WDR45B: variants seen among roughly 807,000 people sequenced by gnomAD.
WDR45B encodes WD repeat domain 45B, also known as WD repeat domain phosphoinositide-interacting protein 3.
WDR45B carries 20 observed loss-of-function variants against 44.6 expected under a neutral mutation model. The observed-to-expected ratio is 0.45, with a 90% CI of 0.32 to 0.65. The LOEUF is 0.65. Among genes scored for constraint, WDR45B ranks in the 30% least tolerant of loss-of-function variants. The pLI is 0.05. For missense variants in WDR45B, 323 were observed against 430.2 expected (o/e 0.75, Z 2.20); for synonymous variants, 169 against 164.9 (o/e 1.02, Z -0.19).
At chr17:82,631,058 G>A in intron 2 of WDR45B, 36 bp from the exon 3 acceptor site, 2 of 1,562,328 alleles carry the variant, frequency 1.3e-6, no homozygotes, top group Non-Finnish European at 1.8e-6. Flanking sequence ...AATGTTACAA[G>A]TTAATATGTA....
intron 3 of WDR45B, 130 bp from the exon 4 acceptor site, chr17:82,627,421 A>G: frequency 1.3e-6 from 1 of 781,928 alleles, no homozygotes; most frequent in South Asian, 1.4e-5. Context: ...CTCAGGCCTC[A>G]GACACACACC....
At chr17:82,638,228 AGAGG>A (rs2045863188) in intron 2 of WDR45B, among the ~76,000 whole-genome samples, 1 of 5,476 alleles carries the variant, frequency 1.8e-4, no homozygotes, top group African/African-American at 1.3e-3. Flanking sequence ...AGGGGAGGGG[AGAGG>A]AGGGGAGGGG....
chr17:82,622,426 C>T (rs1463001201), intron 5 of WDR45B, among the ~76,000 whole-genome samples: 1 of 152,052 alleles, frequency 6.6e-6, no homozygotes, highest in Non-Finnish European at 1.5e-5. Context: ...GGCACTGGAA[C>T]AGCCCAAATT....
Position 82,631,005 on chromosome 17 carries a change from C to T in WDR45B, c.160G>A (p.Val54Ile), listed in dbSNP as rs369820351. 2 of 1,613,948 alleles carry T rather than the reference C, an allele frequency of 1.2e-6. No homozygotes were observed. The highest frequency in any genetic ancestry group is 1.3e-5 in the African/African-American group (1 of 75,026). ...CGAAATAACATTTCAACATGGCCAA[C>T]TCCTCCTTCTAGAAATTCTGAAATG... ...KEKQEFLEGGVGHVEMLFRCN... is the reference protein window; with the variant it reads ...KEKQEFLEGGIGHVEMLFRCN... The change falls in exon 3 of 10, where the codon GTT (valine) becomes ATT (isoleucine). Residue 54 changes from valine (V) to isoleucine (I), a missense_variant. Val to Ile is a conservative substitution (Grantham distance 29). Coordinates refer to ENST00000392325, the MANE Select transcript of WDR45B (RefSeq NM_019613.4).
Position 82,648,414 on chromosome 17 carries a change from G to C in WDR45B, c.-74C>G, listed in dbSNP as rs569005222. The C allele has an allele frequency of 3.6e-4, 554 of 1,552,270 alleles. 1 individual carries two copies. In the African/African-American group the frequency reaches 7.0e-3, roughly 20 times the overall value. On this transcript the variant is annotated 5_prime_UTR_variant, in exon 1 of 10. Coordinates refer to ENST00000392325, the MANE Select transcript of WDR45B (RefSeq NM_019613.4). Reference sequence around the variant, plus strand: ...TGGGGACGGCGGCCTGGTCCCTTCGGGCCGGCGCTGAGGCCGCCGCGGCCG... The same window carrying C: ...TGGGGACGGCGGCCTGGTCCCTTCGCGCCGGCGCTGAGGCCGCCGCGGCCG...
At chr17:82,644,065 G>C (rs1286958152) in intron 1 of WDR45B, 42 bp from the exon 2 acceptor site, 2 of 1,601,616 alleles carry the variant, frequency 1.2e-6, no homozygotes, top group Admixed American at 1.7e-5. Context: ...CCCAGGCCTG[G>C]AGTGGTTAAA....
intron 2 of WDR45B, among the ~76,000 whole-genome samples, chr17:82,632,790 G>A (rs2045784557): frequency 6.6e-6 from 1 of 152,198 alleles, no homozygotes; most frequent in Non-Finnish European, 1.5e-5. Flanking sequence ...CACTTTGGCA[G>A]GCAGAGGTGG....
intron 5 of WDR45B, among the ~76,000 whole-genome samples, chr17:82,622,967 T>C (rs12949889): frequency 0.2 from 29,724 of 152,152 alleles, 3,211 homozygotes; most frequent in Middle Eastern, 0.26. Flanking sequence ...GAATACAAAA[T>C]GTACTTGAAA....
intron 2 of WDR45B, among the ~76,000 whole-genome samples, chr17:82,640,384 C>CTCTGCCA (rs2045898662): frequency 6.6e-6 from 1 of 150,640 alleles, no homozygotes; most frequent in Non-Finnish European, 1.5e-5. Flanking sequence ...CAGAGTCTCA[C>CTCTGCCA]TCTGCCATCA....
At chr17:82,622,428 G>A (rs2045631432) in intron 5 of WDR45B, among the ~76,000 whole-genome samples, 4 of 152,122 alleles carry the variant, frequency 2.6e-5, no homozygotes. Flanking sequence ...CACTGGAACA[G>A]CCCAAATTTT....
intron 2 of WDR45B, among the ~76,000 whole-genome samples, chr17:82,643,462 CAAA>C (rs1314566756): frequency 5.3e-5 from 8 of 151,808 alleles, no homozygotes; most frequent in Non-Finnish European, 1.0e-4. Flanking sequence ...AATAGAGGCC[CAAA>C]GAGGCTGAGA....
chr17:82,616,525 A>G lies in WDR45B; in HGVS notation c.927T>C (p.Ile309=), dbSNP rs147216570. ...CAFGTEPNAV[I]AICADGSYYK... is the part of the protein sequence containing the mutation. ...TTCTCTCCAGGAAGGACCACTCACC[A>G]ATGACGGCGTTTGGCTCTGTTCCAA... Residue 309 remains isoleucine, a splice_region_variant and synonymous_variant, in exon 9 of 10, where the codon ATT becomes ATC. Coordinates refer to ENST00000392325, the MANE Select transcript of WDR45B (RefSeq NM_019613.4). 29 of 1,613,970 alleles carry G rather than the reference A, an allele frequency of 1.8e-5. No individual in the cohort carries two copies. Among genetic ancestry groups the G allele is most frequent in the Non-Finnish European group, 2.5e-5 (29 of 1,180,010 alleles).
At position 82,621,684 on chromosome 17, in the gene WDR45B, A is replaced by G. The variant is rs2143266888; in HGVS notation, c.543T>C (p.Ile181=). The G allele has an allele frequency of 6.2e-7, 1 of 1,614,154 alleles. No individual in the cohort carries two copies. Among genetic ancestry groups the G allele is most frequent in the African/African-American group, 1.3e-5 (1 of 75,038 alleles). The change falls in exon 6 of 10, where the codon ATT becomes ATC. Residue 181 remains isoleucine, a synonymous_variant. Coordinates refer to ENST00000392325, the MANE Select transcript of WDR45B (RefSeq NM_019613.4). ...AGCTCAGGACACCCTCGTGTGCAGGAATGTCCACGGGTGGCTTCTCCGTGC... is the reference window on the plus strand; with the variant it reads ...AGCTCAGGACACCCTCGTGTGCAGGGATGTCCACGGGTGGCTTCTCCGTGC... The part of the protein sequence containing the change: ...LASTEKPPVD[I]PAHEGVLSCI...
chr17:82,618,766 A>C (rs1056862415), intron 7 of WDR45B, among the ~76,000 whole-genome samples: 1 of 152,116 alleles, frequency 6.6e-6, no homozygotes, highest in Non-Finnish European at 1.5e-5. Context: ...AACAAAAAAA[A>C]CCCACCAACA....
At chr17:82,634,334 A>G (rs546440674) in intron 2 of WDR45B, among the ~76,000 whole-genome samples, 1 of 150,786 alleles carries the variant, frequency 6.6e-6, no homozygotes, top group East Asian at 2.0e-4. Context: ...CTAAAAATAC[A>G]AAAATTAGCC....
At chr17:82,618,634 G>C (rs1361035207) in intron 7 of WDR45B, among the ~76,000 whole-genome samples, 1 of 152,170 alleles carries the variant, frequency 6.6e-6, no homozygotes, top group Non-Finnish European at 1.5e-5. Context: ...CTGCTCAGGA[G>C]GCTGAGGCAG....
intron 5 of WDR45B, 84 bp from the exon 6 acceptor site, chr17:82,621,883 G>A (rs1302162046): frequency 1.2e-5 from 16 of 1,373,552 alleles, no homozygotes; most frequent in East Asian, 4.9e-5. Context: ...AAAGTTCTCC[G>A]AAAAAATAGA....
At chr17:82,644,823 T>C (rs1413570717) in intron 1 of WDR45B, among the ~76,000 whole-genome samples, 1 of 152,204 alleles carries the variant, frequency 6.6e-6, no homozygotes. Flanking sequence ...ATCTTTCCAA[T>C]GACTGCACAA....
At chr17:82,617,108 T>C (rs1009576019) in intron 8 of WDR45B, among the ~76,000 whole-genome samples, 188 bp downstream of exon 8, 1 of 152,200 alleles carries the variant, frequency 6.6e-6, no homozygotes, top group African/African-American at 2.4e-5. Flanking sequence ...TGAGCCACTG[T>C]GCCCAGCCTG....
Sources: allele counts gnomAD v4.1 joint callset (sites outside exome capture counted in the v4.1 genomes callset), GRCh38; gene constraint gnomAD v4.1.1; transcripts MANE v1.5; gene names NCBI Gene and HGNC (gene_info 2026-07-23, HGNC 2026-07-21).